The following PTPRM variants were observed in gnomAD, a reference collection of about 807,000 sequenced individuals.
PTPRM encodes protein tyrosine phosphatase receptor type M.
PTPRM carries 47 observed loss-of-function variants against 186.7 expected under a neutral mutation model. That is an observed-to-expected ratio of 0.25 (90% CI 0.20 to 0.32). The LOEUF (loss-of-function observed/expected upper bound fraction) is 0.32. Among genes scored for constraint, PTPRM ranks in the 10% least tolerant of loss-of-function variants. The probability of loss-of-function intolerance (pLI) is 1.00; values close to 1 mark genes in which losing one functional copy is unlikely to be tolerated. For missense variants in PTPRM, 1,494 were observed against 1,865.0 expected, an observed-to-expected ratio of 0.80 and a Z score of 3.66; for synonymous variants, 668 against 674.9, an observed-to-expected ratio of 0.99 and a Z score of 0.16.
chr18:8,115,676 C>T (rs1253918684), intron 13 of PTPRM, among the ~76,000 whole-genome samples: 1 of 152,132 alleles, frequency 6.6e-6, no homozygotes, highest in Non-Finnish European at 1.5e-5. Flanking sequence ...ATGGTAAAAA[C>T]ACATCATTAG....
At chr18:8,313,943 G>A (rs918154270) in intron 20 of PTPRM, among the ~76,000 whole-genome samples, 6 of 151,906 alleles carry the variant, frequency 3.9e-5, no homozygotes, top group Admixed American at 3.9e-4. Context: ...TTGAAGCCAG[G>A]AATTTGAAAC....
At position 8,403,057 on chromosome 18, in the gene PTPRM, C is replaced by T. The variant is rs2095880589; in HGVS notation, c.4345-3052C>T. 4 of 152,058 alleles carry T rather than the reference C, an allele frequency of 2.6e-5. No individual in the cohort carries two copies. In the East Asian group the frequency reaches 7.7e-4, roughly 29 times the overall value. The allele number at this position is 152,058 out of a possible 1,614,324, so 9.4% of individuals were successfully genotyped here. On this transcript the variant is annotated intron_variant, in intron 32 of 32. Transcript: ENST00000580170. ...AGGGAAACTTAAATATGATCCAACCCCCTGTTTTATGACCAGAGGGGAATG... is the reference window on the plus strand; with the variant it reads ...AGGGAAACTTAAATATGATCCAACCTCCTGTTTTATGACCAGAGGGGAATG...
chr18:7,913,677 T>C (rs571468769), intron 4 of PTPRM, among the ~76,000 whole-genome samples: 2 of 152,308 alleles, frequency 1.3e-5, no homozygotes, highest in South Asian at 4.1e-4. Context: ...TTAGGCATGG[T>C]GTATAATCTT....
intron 2 of PTPRM, among the ~76,000 whole-genome samples, chr18:7,819,924 C>T (rs1598881162): frequency 6.6e-6 from 1 of 152,328 alleles, no homozygotes; most frequent in East Asian, 1.9e-4. Context: ...AAGCAGACCC[C>T]TCCATGAAGG....
intron 14 of PTPRM, among the ~76,000 whole-genome samples, chr18:8,171,355 G>C (rs1333951309): frequency 6.6e-6 from 1 of 152,132 alleles, no homozygotes; most frequent in African/African-American, 2.4e-5. Context: ...CGTTGCTCAG[G>C]GACTGTAGTT....
chr18:8,207,167 G>A (rs2093942836), intron 14 of PTPRM, among the ~76,000 whole-genome samples: 1 of 152,158 alleles, frequency 6.6e-6, no homozygotes, highest in Non-Finnish European at 1.5e-5. Context: ...TGGGACAGCC[G>A]AGGTCATGGG....
In PTPRM at chr18:7,834,528, A is replaced by ACACACACACACACACT. The variant is rs763752808; in HGVS notation, c.197-53577_197-53576insACACACACACACACTC. 2.4e-3 allele frequency among the ~76,000 whole-genome samples: 356 copies of ACACACACACACACACT among 146,194 alleles called. 1 individual carries two copies. The highest frequency in any genetic ancestry group is 3.5e-3 in the Middle Eastern group (1 of 286). ...CACACACACACACACACACACACACACTTCCAGACTCATTCTTTCAGGTCA... is the reference window on the plus strand; with the variant it reads ...CACACACACACACACACACACACACACACACACACACACACTCTTCCAGACTCATTCTTTCAGGTCA... On this transcript the variant is annotated intron_variant, in intron 2 of 32. Coordinates refer to ENST00000580170, the MANE Select transcript of PTPRM (RefSeq NM_001105244.2).
chr18:7,653,841 G>C (rs142205333), intron 1 of PTPRM, among the ~76,000 whole-genome samples: 5 of 152,228 alleles, frequency 3.3e-5, no homozygotes, highest in African/African-American at 1.2e-4. Context: ...CCAGTAATGG[G>C]GTTGCTGGGT....
intron 2 of PTPRM, among the ~76,000 whole-genome samples, chr18:7,862,529 G>A (rs1420702373): frequency 6.6e-6 from 1 of 152,122 alleles, no homozygotes; most frequent in Non-Finnish European, 1.5e-5. Flanking sequence ...TTTATCCATG[G>A]ACACCTCCCA....
At chr18:7,660,631 T>C (rs1168369054) in intron 1 of PTPRM, among the ~76,000 whole-genome samples, 1 of 151,826 alleles carries the variant, frequency 6.6e-6, no homozygotes, top group Non-Finnish European at 1.5e-5. Context: ...TTTCCCTGAG[T>C]TTCTTCTCTT....
At chr18:8,206,785 G>A (rs2093937269) in intron 14 of PTPRM, among the ~76,000 whole-genome samples, 1 of 152,114 alleles carries the variant, frequency 6.6e-6, no homozygotes, top group Non-Finnish European at 1.5e-5. Context: ...AATCCCATTA[G>A]GGTACAGTGA....
chr18:8,227,661 A>T (rs1289874467), intron 14 of PTPRM, among the ~76,000 whole-genome samples: 1 of 152,210 alleles, frequency 6.6e-6, no homozygotes, highest in East Asian at 1.9e-4. Flanking sequence ...CATCAAGAGG[A>T]AAGTGGAGGT....
intron 1 of PTPRM, among the ~76,000 whole-genome samples, chr18:7,652,454 G>A (rs1425779407): frequency 4.6e-5 from 7 of 151,992 alleles, no homozygotes; most frequent in Non-Finnish European, 1.0e-4. Flanking sequence ...ACATGCAAAC[G>A]TATGTTTATT....
intron 1 of PTPRM, among the ~76,000 whole-genome samples, chr18:7,642,936 C>T (rs981080007): frequency 1.4e-4 from 21 of 151,050 alleles, no homozygotes; most frequent in African/African-American, 5.1e-4. Flanking sequence ...CATGCATTTT[C>T]CATATTTGGG....
chr18:8,251,589 T>A (rs2094528659), intron 17 of PTPRM: 1 of 152,222 alleles, frequency 6.6e-6, no homozygotes, highest in Non-Finnish European at 1.5e-5. Flanking sequence ...ACCACCCTTT[T>A]TTATTTTGTC....
chr18:8,118,663 A>C (rs1160687800), intron 13 of PTPRM, among the ~76,000 whole-genome samples: 2 of 151,912 alleles, frequency 1.3e-5, no homozygotes, highest in Admixed American at 1.3e-4. Flanking sequence ...AGCCGGGCGC[A>C]GTGGTGGGTG....
chr18:7,673,605 A>G (rs1186128518), intron 1 of PTPRM, among the ~76,000 whole-genome samples: 1 of 152,236 alleles, frequency 6.6e-6, no homozygotes, highest in Non-Finnish European at 1.5e-5. Context: ...TTCTGTGAAG[A>G]TGATACATAG....
chr18:7,914,024 G>A (rs992035053), intron 4 of PTPRM, among the ~76,000 whole-genome samples: 20 of 151,982 alleles, frequency 1.3e-4, no homozygotes, highest in African/African-American at 4.3e-4. Flanking sequence ...TTATTAATTT[G>A]TGTAGTCACA....
chr18:7,993,929 A>G (rs1170428488), intron 7 of PTPRM, among the ~76,000 whole-genome samples: 1 of 152,124 alleles, frequency 6.6e-6, no homozygotes, highest in Non-Finnish European at 1.5e-5. Context: ...ACAAAAAACA[A>G]TGAAGAAAAT....
Sources: allele counts gnomAD v4.1 joint callset (sites outside exome capture counted in the v4.1 genomes callset), GRCh38; gene constraint gnomAD v4.1.1; transcripts MANE v1.5; gene names NCBI Gene and HGNC (gene_info 2026-07-23, HGNC 2026-07-21).